Variants in PLPBP observed in about 807,000 individuals in gnomAD.
The protein encoded by PLPBP is pyridoxal phosphate homeostasis protein.
A neutral mutation model predicts 31.2 loss-of-function variants in PLPBP; 21 were observed. The ratio of observed to expected loss-of-function variants is 0.67; its 90% CI spans 0.48 to 0.97. PLPBP has a LOEUF of 0.97. Among genes scored for constraint, PLPBP ranks in the 50% least tolerant of loss-of-function variants. The pLI, the probability that PLPBP is intolerant of heterozygous loss-of-function variation, is 0.00. For missense variants in PLPBP, 308 were observed against 354.4 expected (o/e 0.87, Z 1.05); for synonymous variants, 124 against 135.6 (o/e 0.91, Z 0.59).
upstream of PLPBP, chr8:37,762,579 C>T (rs570158784): frequency 4.6e-6 from 7 of 1,509,388 alleles, no homozygotes; most frequent in East Asian, 2.5e-5. Flanking sequence ...TTGGTTCACA[C>T]GGCGCAAGCT....
chr8:37,768,009 A>G lies in PLPBP; in HGVS notation c.319+1654A>G, dbSNP rs1274302032. On this transcript the variant is annotated intron_variant, in intron 4 of 7. Coordinates refer to ENST00000328195, the MANE Select transcript of PLPBP (RefSeq NM_007198.4). Reference sequence around the variant, plus strand: ...TTTAGTAGAGACAAGGTTTCATCATATTGGCCAGGCTGGTCTCGAACTCCT... The same window carrying G: ...TTTAGTAGAGACAAGGTTTCATCATGTTGGCCAGGCTGGTCTCGAACTCCT... 3.3e-5 allele frequency among the ~76,000 whole-genome samples: 5 copies of G among 151,542 alleles called. No individual in the cohort carries two copies. In the East Asian group the frequency reaches 9.7e-4, roughly 29 times the overall value.
chr8:37,769,247 G>C (rs568572379), intron 4 of PLPBP, among the ~76,000 whole-genome samples: 1 of 151,920 alleles, frequency 6.6e-6, no homozygotes, highest in Non-Finnish European at 1.5e-5. Flanking sequence ...GAGGTAGGAC[G>C]ATCACCTGAG....
intron 7 of PLPBP, among the ~76,000 whole-genome samples, chr8:37,777,604 G>A (rs184209140): frequency 8.1e-4 from 123 of 151,730 alleles, no homozygotes; most frequent in African/African-American, 2.7e-3. Context: ...ATGGAGTTTC[G>A]CTCTTGTTGC....
At chr8:37,769,839 A>G (rs1803725305) in intron 4 of PLPBP, among the ~76,000 whole-genome samples, 1 of 152,236 alleles carries the variant, frequency 6.6e-6, no homozygotes, top group African/African-American at 2.4e-5. Context: ...TAGCATTTCT[A>G]TATGCCAACA....
At chr8:37,762,567 G>A, upstream of PLPBP, 1 of 1,499,030 alleles carries the variant, frequency 6.7e-7, no homozygotes, top group East Asian at 2.5e-5. Context: ...GATGAGCAAT[G>A]ATTGGTTCAC....
At chr8:37,769,051 T>G (rs997026914) in intron 4 of PLPBP, among the ~76,000 whole-genome samples, 1 of 152,018 alleles carries the variant, frequency 6.6e-6, no homozygotes, top group Admixed American at 6.6e-5. Flanking sequence ...AAAAAACAAC[T>G]AGGCCAGGCA....
At chr8:37,775,688 G>A (rs759061747) in intron 6 of PLPBP, among the ~76,000 whole-genome samples, 1 of 152,168 alleles carries the variant, frequency 6.6e-6, no homozygotes, top group Non-Finnish European at 1.5e-5. Flanking sequence ...ACTTGAACTT[G>A]GCTAAAACAT....
At chr8:37,777,834 A>C in intron 7 of PLPBP, 139 bp from the exon 8 acceptor site, 1 of 954,868 alleles carries the variant, frequency 1.0e-6, no homozygotes, top group East Asian at 3.3e-5. Context: ...GCCTCCCAAA[A>C]TGCTGGGATT....
At chr8:37,769,426 A>T (rs1426494104) in intron 4 of PLPBP, among the ~76,000 whole-genome samples, 1 of 152,010 alleles carries the variant, frequency 6.6e-6, no homozygotes. Flanking sequence ...ATGTCAAAGC[A>T]AAAGGGAGGC....
rs1198818019 is a variant in PLPBP at position 37,779,109 on chromosome 8, T to C, written c.*1005T>C. On this transcript the variant is annotated 3_prime_UTR_variant, in exon 8 of 8. Coordinates refer to ENST00000328195, the MANE Select transcript of PLPBP (RefSeq NM_007198.4). ...GAGCTTGTGTCACTGCCACTCTGTTTTATCCCTGAAATTAAAGGATAACAT... is the reference window on the plus strand; with the variant it reads ...GAGCTTGTGTCACTGCCACTCTGTTCTATCCCTGAAATTAAAGGATAACAT... 6.6e-6 allele frequency: 1 copy of C among 152,136 alleles called. No individual in the cohort carries two copies. Among genetic ancestry groups the C allele is most frequent in the African/African-American group, 2.4e-5 (1 of 41,422 alleles). The allele number at this position is 152,136 out of a possible 1,614,324, so 9.4% of individuals were successfully genotyped here.
intron 4 of PLPBP, among the ~76,000 whole-genome samples, chr8:37,772,437 TTGAAC>T (rs1486674807): frequency 2.0e-5 from 3 of 152,366 alleles, no homozygotes; most frequent in African/African-American, 4.8e-5. Context: ...TTCTCTCAGT[TTGAAC>T]TGAGACATAG....
intron 1 of PLPBP, 111 bp from the exon 2 acceptor site, chr8:37,765,415 C>G: frequency 1.0e-6 from 1 of 997,668 alleles, no homozygotes. Flanking sequence ...TGGATCTTAC[C>G]TAATGCCAAG....
In PLPBP at chr8:37,779,627, T is replaced by C. The variant is rs1042252521; in HGVS notation, c.*1523T>C. Reference sequence around the variant, plus strand: ...ATCATGATGCTGCCAAATGTACTTTTGTAAACTTAAACATTATGATTCCTG... The same window carrying C: ...ATCATGATGCTGCCAAATGTACTTTCGTAAACTTAAACATTATGATTCCTG... On this transcript the variant is annotated 3_prime_UTR_variant, in exon 8 of 8. Transcript: ENST00000328195. 1.3e-5 allele frequency: 2 copies of C among 152,706 alleles called. No homozygotes were observed. The highest frequency in any genetic ancestry group is 4.8e-5 in the African/African-American group (2 of 41,474). The allele number at this position is 152,706 out of a possible 1,614,324, so 9.5% of individuals were successfully genotyped here.
chr8:37,764,209 T>C (rs1803561769), intron 1 of PLPBP, among the ~76,000 whole-genome samples: 1 of 152,002 alleles, frequency 6.6e-6, no homozygotes, highest in South Asian at 2.1e-4. Context: ...TTCACGCAAT[T>C]CTCCTGCCTC....
chr8:37,772,916 T>C, intron 5 of PLPBP, 27 bp downstream of exon 5: 7 of 1,613,190 alleles, frequency 4.3e-6, no homozygotes, highest in Non-Finnish European at 5.9e-6. Flanking sequence ...GAATTGTAGA[T>C]TTTTCTTCCT....
In PLPBP at chr8:37,775,913, G is replaced by A. The variant is rs1299228103; in HGVS notation, c.598-5G>A. 1 of 1,609,118 alleles carries A rather than the reference G, an allele frequency of 6.2e-7. No individual in the cohort carries two copies. The highest frequency in any genetic ancestry group is 1.4e-5 in the African/African-American group (1 of 73,738). On this transcript the variant is annotated splice_region_variant and splice_polypyrimidine_tract_variant and intron_variant, in intron 6 of 7. Coordinates refer to ENST00000328195, the MANE Select transcript of PLPBP (RefSeq NM_007198.4). ...AGTAAAATAGGTGTCATCTCTTTCT[G>A]TCAGCTGTTATTGTCCCTCCGGGAG...
At chr8:37,763,070 G>A (rs954219907) in intron 1 of PLPBP, among the ~76,000 whole-genome samples, 8 of 152,182 alleles carry the variant, frequency 5.3e-5, no homozygotes, top group Admixed American at 1.3e-4. Context: ...GATGCGAGGG[G>A]GGCCAGGCCT....
intron 1 of PLPBP, 107 bp downstream of exon 1, chr8:37,762,865 G>A (rs1304622553): frequency 2.8e-5 from 39 of 1,393,032 alleles, no homozygotes; most frequent in Non-Finnish European, 3.3e-5. Flanking sequence ...CCAGAGAGGC[G>A]GGACTGGTCG....
Position 37,766,367 on chromosome 8 carries a change from T to C in PLPBP, c.319+12T>C. 1.3e-6 allele frequency: 2 copies of C among 1,596,508 alleles called. No individual in the cohort carries two copies. Among genetic ancestry groups the C allele is most frequent in the Non-Finnish European group, 1.7e-6 (2 of 1,167,934 alleles). On this transcript the variant is annotated intron_variant, in intron 4 of 7. Transcript: ENST00000328195. The stretch of plus-strand genomic sequence containing the variant: ...CAACAAATTGATGGGTAAGATAAAA[T>C]TAAATATGAAAACAAAATTGTTCTG...
Sources: gnomAD v4.1 joint callset for allele counts (sites outside exome capture counted in the v4.1 genomes callset) on GRCh38, gnomAD v4.1.1 for gene constraint, MANE v1.5 for transcripts, NCBI Gene and HGNC (gene_info 2026-07-23, HGNC 2026-07-21) for gene names.